LRRC1: variants seen among roughly 807,000 people sequenced by gnomAD.
LRRC1 encodes leucine-rich repeat-containing protein 1.
A neutral mutation model predicts 69.9 loss-of-function variants in LRRC1; 28 were observed. That is an observed-to-expected ratio of 0.40 (90% CI 0.30 to 0.55). The LOEUF (loss-of-function observed/expected upper bound fraction) is 0.55. LRRC1 is among the 20% of genes least tolerant of loss of function. The pLI, the probability that LRRC1 is intolerant of heterozygous loss-of-function variation, is 0.47. For missense variants in LRRC1, 498 were observed against 609.0 expected (o/e 0.82, Z 1.92); for synonymous variants, 236 against 240.2 (o/e 0.98, Z 0.16).
intron 1 of LRRC1, among the ~76,000 whole-genome samples, chr6:53,839,674 C>A (rs1471400441): frequency 6.6e-6 from 1 of 152,038 alleles, no homozygotes; most frequent in Non-Finnish European, 1.5e-5. Context: ...AGTTTCTTTC[C>A]CATTCTCTCA....
intron 6 of LRRC1, among the ~76,000 whole-genome samples, 174 bp from the exon 7 acceptor site, chr6:53,897,111 A>G (rs1767899415): frequency 6.6e-6 from 1 of 152,188 alleles, no homozygotes; most frequent in Admixed American, 6.5e-5. Context: ...AACAACTGGC[A>G]TTCTTGGGGA....
In LRRC1 at chr6:53,894,893, G is replaced by A. The variant is rs1273772364; in HGVS notation, c.447-1605G>A. On this transcript the variant is annotated intron_variant, in intron 4 of 13. Transcript: ENST00000370888. ...GTTACATTTGATTTGAAGAACGTTG[G>A]TGTTAATTTCATGGTGACATATTAG... is the stretch of plus-strand genomic sequence containing the variant. Among the ~76,000 whole-genome samples, 3 of 151,344 alleles carry A rather than the reference G, an allele frequency of 2.0e-5. No individual in the cohort carries two copies. The East Asian group carries it at 5.8e-4, about 29-fold the overall frequency.
chr6:53,840,928 G>GCA (rs1765768243), intron 1 of LRRC1, among the ~76,000 whole-genome samples: 1 of 62,602 alleles, frequency 1.6e-5, no homozygotes, highest in African/African-American at 4.3e-5. Flanking sequence ...GTGTGTGTGT[G>GCA]CGTGCGCGCA....
chr6:53,834,118 A>G (rs1394259891), intron 1 of LRRC1, among the ~76,000 whole-genome samples: 6 of 152,060 alleles, frequency 3.9e-5, no homozygotes, highest in Non-Finnish European at 7.4e-5. Flanking sequence ...GCTGTATCGT[A>G]TTATAAACTT....
At chr6:53,818,676 G>C (rs1051267070) in intron 1 of LRRC1, among the ~76,000 whole-genome samples, 3 of 152,124 alleles carry the variant, frequency 2.0e-5, no homozygotes, top group Admixed American at 1.3e-4. Flanking sequence ...AAGATAACAG[G>C]GGAAAGGAGT....
In LRRC1 at chr6:53,923,059, C is replaced by T. The variant is rs889020334; in HGVS notation, c.*266C>T. 6.6e-6 allele frequency: 2 copies of T among 301,462 alleles called. No homozygotes were observed. The highest frequency in any genetic ancestry group is 1.1e-4 in the East Asian group (2 of 18,582). 18.7% of individuals were successfully genotyped at this position (301,462 alleles called of 1,614,324 possible). A position where few individuals can be genotyped will look rare whatever the true frequency, so the allele number is the denominator to read the frequency against. On this transcript the variant is annotated 3_prime_UTR_variant, in exon 14 of 14. Transcript: ENST00000370888. ...GAATACACTACTGTAAACATACGACCTTTGTTTTTGTCTTATGTTGGGGTA... is the reference window on the plus strand; with the variant it reads ...GAATACACTACTGTAAACATACGACTTTTGTTTTTGTCTTATGTTGGGGTA...
At position 53,889,513 on chromosome 6, in the gene LRRC1, A is replaced by C. The variant is rs188478760; in HGVS notation, c.446+6537A>C. Among the ~76,000 whole-genome samples the C allele has an allele frequency of 1.1e-4, 16 of 152,254 alleles. 1 individual carries two copies. In the East Asian group the frequency reaches 2.7e-3, roughly 26 times the overall value. ...AATAGTATTCCTGGATGAACTTTGA[A>C]AGCATGTTAAGTAAAAGAACCAGAC... On this transcript the variant is annotated intron_variant, in intron 4 of 13. Transcript: ENST00000370888.
chr6:53,896,915 A>T (rs529591691), intron 6 of LRRC1, 23 bp downstream of exon 6: 1 of 1,457,196 alleles, frequency 6.9e-7, no homozygotes, highest in African/African-American at 1.4e-5. Flanking sequence ...TAGAGATTTG[A>T]ATTTAACTTT....
intron 1 of LRRC1, among the ~76,000 whole-genome samples, chr6:53,819,678 A>C (rs1765058186): frequency 6.6e-6 from 1 of 151,992 alleles, no homozygotes; most frequent in African/African-American, 2.4e-5. Flanking sequence ...TCATGAACTC[A>C]CCCTACCCTA....
intron 1 of LRRC1, among the ~76,000 whole-genome samples, chr6:53,797,587 G>C (rs2127400600): frequency 6.6e-6 from 1 of 152,116 alleles, no homozygotes; most frequent in Admixed American, 6.5e-5. Context: ...CATCTGTTTT[G>C]TTCACAAGCC....
chr6:53,830,984 A>G (rs1765412370), intron 1 of LRRC1, among the ~76,000 whole-genome samples: 1 of 148,314 alleles, frequency 6.7e-6, no homozygotes, highest in Non-Finnish European at 1.5e-5. Flanking sequence ...TTATTGAATA[A>G]TGCCATTGAA....
At chr6:53,831,079 C>T (rs1332906839) in intron 1 of LRRC1, among the ~76,000 whole-genome samples, 1 of 150,984 alleles carries the variant, frequency 6.6e-6, no homozygotes, top group Non-Finnish European at 1.5e-5. Flanking sequence ...GTGGAAATAC[C>T]ACAATATATG....
intron 1 of LRRC1, 67 bp from the exon 2 acceptor site, chr6:53,842,043 C>A: frequency 1.0e-6 from 1 of 988,964 alleles, no homozygotes; most frequent in Non-Finnish European, 1.6e-6. Flanking sequence ...TTTTACATTT[C>A]ATAGTAGCCC....
intron 2 of LRRC1, among the ~76,000 whole-genome samples, chr6:53,850,619 A>G (rs776975287): frequency 6.6e-6 from 1 of 152,272 alleles, no homozygotes; most frequent in Non-Finnish European, 1.5e-5. Flanking sequence ...TATAGCTGAT[A>G]CTGTGTTGCA....
intron 8 of LRRC1, among the ~76,000 whole-genome samples, chr6:53,901,495 G>C (rs9357775): frequency 1.3e-5 from 2 of 151,702 alleles, no homozygotes; most frequent in Admixed American, 6.5e-5. Context: ...GCGGTGAGCC[G>C]TGATTGTACC....
intron 11 of LRRC1, among the ~76,000 whole-genome samples, chr6:53,914,942 C>G (rs1026958787): frequency 3.9e-5 from 6 of 152,138 alleles, no homozygotes; most frequent in African/African-American, 1.4e-4. Flanking sequence ...GTCACTTGTC[C>G]CATCAGAGTG....
intron 2 of LRRC1, among the ~76,000 whole-genome samples, chr6:53,844,937 G>T (rs1471765307): frequency 2.6e-5 from 4 of 152,188 alleles, no homozygotes; most frequent in Non-Finnish European, 5.9e-5. Context: ...GGGTGCGGTG[G>T]CTCACGCCTG....
At chr6:53,844,379 C>T (rs998591967) in intron 2 of LRRC1, among the ~76,000 whole-genome samples, 33 of 152,090 alleles carry the variant, frequency 2.2e-4, no homozygotes, top group African/African-American at 9.7e-5. Flanking sequence ...ACTATTTGGG[C>T]GGAAGGAAAC....
intron 9 of LRRC1, among the ~76,000 whole-genome samples, chr6:53,902,998 C>T (rs1307050091): frequency 6.6e-6 from 1 of 152,146 alleles, no homozygotes; most frequent in Non-Finnish European, 1.5e-5. Flanking sequence ...TCACAGATGT[C>T]TCCAGTGAGG....
Sources: allele counts gnomAD v4.1 joint callset (sites outside exome capture counted in the v4.1 genomes callset), GRCh38; gene constraint gnomAD v4.1.1; transcripts MANE v1.5; gene names NCBI Gene and HGNC (gene_info 2026-07-23, HGNC 2026-07-21).